The following NR4A1 variants were observed in gnomAD, a reference collection of about 807,000 sequenced individuals.
NR4A1 encodes the protein nuclear receptor subfamily 4 group A member 1, also known as nuclear receptor subfamily 4immunitygroup A member 1.
Under a neutral mutation model 47.5 loss-of-function variants are expected in NR4A1, and 24 were observed. The observed-to-expected ratio is 0.50, with a 90% CI of 0.37 to 0.71. The LOEUF (loss-of-function observed/expected upper bound fraction) is 0.71. NR4A1 is among the 30% of genes least tolerant of loss of function. The probability of loss-of-function intolerance (pLI) is 0.00; values close to 1 mark genes in which losing one functional copy is unlikely to be tolerated. For missense variants in NR4A1, 669 were observed against 788.6 expected (o/e 0.85, Z 1.82); for synonymous variants, 353 against 345.7 (o/e 1.02, Z -0.24).
chr12:52,030,951 C>T (rs966077904), intron 1 of NR4A1, among the ~76,000 whole-genome samples: 3 of 152,186 alleles, frequency 2.0e-5, no homozygotes, highest in Non-Finnish European at 2.9e-5. Context: ...AGCTGGCACT[C>T]TTTCATTACT....
At chr12:52,056,981 T>C in intron 4 of NR4A1, 76 bp from the exon 5 acceptor site, 2 of 1,347,180 alleles carry the variant, frequency 1.5e-6, no homozygotes, top group Non-Finnish European at 2.0e-6. Context: ...GGCATCCAAG[T>C]GTCTGACACA....
chr12:52,048,401 T>G (rs969128915), upstream of NR4A1, among the ~76,000 whole-genome samples: 3 of 151,928 alleles, frequency 2.0e-5, no homozygotes, highest in Non-Finnish European at 4.4e-5. Flanking sequence ...AAGACCATCC[T>G]GGCTAACACA....
upstream of NR4A1, chr12:52,051,351 C>G (rs1416544036): frequency 3.1e-6 from 3 of 983,162 alleles, no homozygotes; most frequent in Non-Finnish European, 3.6e-6. Flanking sequence ...CTTGTATGGC[C>G]AAAGCTCGAC....
At chr12:52,052,175 T>C (rs774884241) in intron 1 of NR4A1, among the ~76,000 whole-genome samples, 2 of 151,604 alleles carry the variant, frequency 1.3e-5, no homozygotes, top group Admixed American at 6.6e-5. Flanking sequence ...TGTGGAGGGC[T>C]GCTTGCTGTG....
intron 1 of NR4A1, among the ~76,000 whole-genome samples, chr12:52,028,693 C>G (rs572229715): frequency 6.6e-6 from 1 of 152,012 alleles, no homozygotes. Flanking sequence ...ATTACGAGGT[C>G]AGGAGTTCAA....
At chr12:52,039,561 G>T (rs1217611801) in intron 1 of NR4A1, among the ~76,000 whole-genome samples, 5 of 152,222 alleles carry the variant, frequency 3.3e-5, no homozygotes, top group African/African-American at 1.2e-4. Context: ...GAGCTGGAAT[G>T]CTCTCCCCAC....
chr12:52,037,967 C>T, intron 1 of NR4A1: 3 of 262,622 alleles, frequency 1.1e-5, no homozygotes, highest in Non-Finnish European at 1.3e-5. Context: ...GGGGTGGGGG[C>T]GGGGGTGGTC....
chr12:52,049,880 G>A (rs1330048281), upstream of NR4A1, among the ~76,000 whole-genome samples: 1 of 152,116 alleles, frequency 6.6e-6, no homozygotes, highest in Non-Finnish European at 1.5e-5. Flanking sequence ...CTGGAGACAA[G>A]GGTGTGGGAA....
At chr12:52,051,009 T>C (rs1938895904), upstream of NR4A1, among the ~76,000 whole-genome samples, 1 of 151,970 alleles carries the variant, frequency 6.6e-6, no homozygotes, top group Non-Finnish European at 1.5e-5. Flanking sequence ...GAGATCCTCA[T>C]CCGGGGAAGC....
chr12:52,054,884 C>T lies in NR4A1; in HGVS notation c.556C>T (p.Pro186Ser), dbSNP rs147290937. The change falls in exon 2 of 7, where the codon CCT becomes TCT. Residue 186 changes from proline (P) to serine (S), a missense_variant. Coordinates refer to ENST00000394825, the MANE Select transcript of NR4A1 (RefSeq NM_173157.3). ...GCCCAAAGCCTCTGGGCCCCCACAG[C>T]CTCCAGCCTTCTTTTCCTTCAGTCC... ...QLPKASGPPQ[P>S]PAFFSFSPPT... 320 of 1,614,130 alleles carry T rather than the reference C, an allele frequency of 2.0e-4. 1 individual carries two copies. In the African/African-American group the frequency reaches 3.7e-3, roughly 19 times the overall value.
At chr12:52,057,318 C>T in intron 5 of NR4A1, 34 bp from the exon 6 acceptor site, 1 of 1,614,054 alleles carries the variant, frequency 6.2e-7, no homozygotes, top group South Asian at 1.1e-5. Flanking sequence ...CTGTGAACCA[C>T]CCTGATCGCT....
intron 1 of NR4A1, among the ~76,000 whole-genome samples, chr12:52,053,172 T>G (rs888405635): frequency 6.6e-6 from 1 of 152,148 alleles, no homozygotes; most frequent in Non-Finnish European, 1.5e-5. Flanking sequence ...GGAGGGAGAC[T>G]GTCCTGGAGC....
At chr12:52,034,956 G>A (rs987641113) in intron 1 of NR4A1, among the ~76,000 whole-genome samples, 2 of 152,190 alleles carry the variant, frequency 1.3e-5, no homozygotes, top group African/African-American at 4.8e-5. Flanking sequence ...GCAACCCTGT[G>A]AGATAGGTTT....
upstream of NR4A1, among the ~76,000 whole-genome samples, chr12:52,046,539 CTCTA>C (rs531242811): frequency 2.3e-3 from 347 of 152,334 alleles, no homozygotes; most frequent in South Asian, 0.017. Context: ...CATACTTGTG[CTCTA>C]TCTGTTGATA....
At chr12:52,028,938 A>G (rs1938059223) in intron 1 of NR4A1, among the ~76,000 whole-genome samples, 1 of 152,058 alleles carries the variant, frequency 6.6e-6, no homozygotes. Context: ...AAAAAGACCA[A>G]AATTCAACTT....
In NR4A1 at chr12:52,055,784, C is replaced by A. The variant is rs539260329; in HGVS notation, c.877-246C>A. On this transcript the variant is annotated intron_variant, in intron 2 of 6. Coordinates refer to ENST00000394825, the MANE Select transcript of NR4A1 (RefSeq NM_173157.3). ...GTCTAGACTGCCAGGGAGACCCTGG[C>A]CCCCAGTAGTGTGTCCTGGGGACTT... 21 of 380,966 alleles carry A rather than the reference C, an allele frequency of 5.5e-5. No homozygotes were observed. In the South Asian group the frequency reaches 1.8e-3, roughly 32 times the overall value. The allele number at this position is 380,966 out of a possible 1,614,324, so 23.6% of individuals were successfully genotyped here.
chr12:52,054,389 C>G lies in NR4A1; in HGVS notation c.61C>G (p.Leu21Val). 1 of 1,613,640 alleles carries G rather than the reference C, an allele frequency of 6.2e-7. No homozygotes were observed. The highest frequency in any genetic ancestry group is 2.2e-5 in the East Asian group (1 of 44,876). ...ACCGAGTCCGGGACCCCGTGACCAC[C>G]TGGCAAGCGACCCCCTGACCCCTGA... is the stretch of plus-strand genomic sequence containing the variant. ...PAPSPGPRDH[L>V]ASDPLTPEFI... The change falls in exon 2 of 7, where the codon CTG (leucine) becomes GTG (valine). Residue 21 changes from leucine (L) to valine (V), a missense_variant. By Grantham distance (32) the Leu-to-Val change is conservative (BLOSUM62 1). Coordinates refer to ENST00000394825, the MANE Select transcript of NR4A1 (RefSeq NM_173157.3).
intron 1 of NR4A1, among the ~76,000 whole-genome samples, chr12:52,023,666 G>T (rs1484833022): frequency 6.6e-6 from 1 of 151,848 alleles, no homozygotes; most frequent in Non-Finnish European, 1.5e-5. Flanking sequence ...CTCCCCTGCG[G>T]CTCCTCCTTC....
chr12:52,040,074 G>T (rs574299675), intron 1 of NR4A1, among the ~76,000 whole-genome samples: 2 of 152,308 alleles, frequency 1.3e-5, no homozygotes, highest in African/African-American at 2.4e-5. Context: ...TCTGCACAGT[G>T]CAGACTGTAC....
Sources: gnomAD v4.1 joint callset for allele counts (sites outside exome capture counted in the v4.1 genomes callset) on GRCh38, gnomAD v4.1.1 for gene constraint, MANE v1.5 for transcripts, NCBI Gene and HGNC (gene_info 2026-07-23, HGNC 2026-07-21) for gene names.